CACNA1C: variants seen among roughly 807,000 people sequenced by gnomAD.
The protein encoded by CACNA1C is voltage-dependent L-type calcium channel subunit alpha-1C.
A neutral mutation model predicts 229.0 loss-of-function variants in CACNA1C; 30 were observed. The observed-to-expected ratio is 0.13, with a 90% CI of 0.10 to 0.18. The LOEUF (loss-of-function observed/expected upper bound fraction) is 0.18. Among genes scored for constraint, CACNA1C ranks in the 10% least tolerant of loss-of-function variants. The pLI, the probability that CACNA1C is intolerant of heterozygous loss-of-function variation, is 1.00. For synonymous variants in CACNA1C, 1,114 were observed against 1,132.5 expected, an observed-to-expected ratio of 0.98 and a Z score of 0.33; for missense variants, 1,658 against 2,845.0, an observed-to-expected ratio of 0.58 and a Z score of 9.49.
chr12:2,194,764 C>G (rs1024759735), intron 3 of CACNA1C, among the ~76,000 whole-genome samples: 1 of 152,148 alleles, frequency 6.6e-6, no homozygotes, highest in Non-Finnish European at 1.5e-5. Context: ...AAGTCCTGAC[C>G]CTGCCGTGGA....
chr12:2,610,849 G>C, intron 28 of CACNA1C, 150 bp downstream of exon 28: 2 of 790,702 alleles, frequency 2.5e-6, no homozygotes, highest in African/African-American at 3.4e-5. Flanking sequence ...CTCTGTCAAG[G>C]ATGTGCTCCT....
intron 3 of CACNA1C, among the ~76,000 whole-genome samples, chr12:2,221,182 A>G (rs1599597886): frequency 1.3e-5 from 2 of 152,202 alleles, no homozygotes; most frequent in South Asian, 2.1e-4. Context: ...CACACAGTGA[A>G]TGACCAGGCG....
chr12:2,269,271 A>G (rs1007161654), intron 3 of CACNA1C, among the ~76,000 whole-genome samples: 1 of 152,182 alleles, frequency 6.6e-6, no homozygotes, highest in African/African-American at 2.4e-5. Context: ...TGATTTATAG[A>G]CCGGCTGAAA....
At chr12:2,612,761 C>T (rs538712700) in intron 29 of CACNA1C, 1 of 152,408 alleles carries the variant, frequency 6.6e-6, no homozygotes, top group African/African-American at 2.4e-5. Flanking sequence ...GTATGAGCCA[C>T]ACCTTCCACC....
At chr12:2,059,254 C>A (rs2056498574) in intron 1 of CACNA1C, among the ~76,000 whole-genome samples, 1 of 151,844 alleles carries the variant, frequency 6.6e-6, no homozygotes, top group African/African-American at 2.4e-5. Context: ...GCCAGAGGAG[C>A]CCCAACTCCC....
Position 2,052,987 on chromosome 12 carries a change from G to A in CACNA1C, c.-576G>A. The A allele has an allele frequency of 5.1e-6, 5 of 983,270 alleles. No homozygotes were observed. Among genetic ancestry groups the A allele is most frequent in the Non-Finnish European group, 6.0e-6 (5 of 829,140 alleles). 60.9% of individuals were successfully genotyped at this position (983,270 alleles called of 1,614,324 possible). On this transcript the variant is annotated 5_prime_UTR_variant, in exon 1 of 47. Coordinates refer to ENST00000399655, the MANE Select transcript of CACNA1C (RefSeq NM_000719.7). ...AGCGCGGCGCTCTCGCGCGCCCGGT[G>A]TCTCCCTCTCGCTGCCTCTGCAGAA...
intron 9 of CACNA1C, among the ~76,000 whole-genome samples, chr12:2,534,537 C>T (rs1314062219): frequency 6.6e-6 from 1 of 152,192 alleles, no homozygotes; most frequent in Non-Finnish European, 1.5e-5. Flanking sequence ...TCTTGTAGAG[C>T]TTAATTTTTT....
intron 3 of CACNA1C, among the ~76,000 whole-genome samples, chr12:2,198,576 G>A (rs931353234): frequency 6.6e-6 from 1 of 152,178 alleles, no homozygotes; most frequent in African/African-American, 2.4e-5. Context: ...AACAGAAATT[G>A]AACCAGGCTT....
At position 2,688,701 on chromosome 12, in the gene CACNA1C, C is replaced by T. The variant is rs780157730; in HGVS notation, c.6039C>T (p.Pro2013=). The stretch of plus-strand genomic sequence containing the variant: ...GCAGCGCCGCCCGGAGAGTCCGGCC[C>T]GTCTCCCTCATGGTGCCCAGCCAGG... The part of the protein sequence containing the change: ...GGSSAARRVR[P]VSLMVPSQAG... Residue 2013 remains proline (P), a synonymous_variant, in exon 46 of 47, where the codon CCC becomes CCT. Transcript: ENST00000399655. The T allele has an allele frequency of 1.5e-5, 24 of 1,611,228 alleles. No individual in the cohort carries two copies. In the East Asian group the frequency reaches 1.6e-4, roughly 10 times the overall value.
At position 2,067,355 on chromosome 12, in the gene CACNA1C, T is replaced by A. The variant is rs1450518434; in HGVS notation, c.49+13744T>A. Among the ~76,000 whole-genome samples, 2 of 151,804 alleles carry A rather than the reference T, an allele frequency of 1.3e-5. No homozygotes were observed. The highest frequency in any genetic ancestry group is 2.9e-5 in the Non-Finnish European group (2 of 67,974). ...CACAAAGGGCCAGGTGGACTTTCTT[T>A]GGGGAGCATAACAGGAAGAAGATGA... On this transcript the variant is annotated intron_variant, in intron 1 of 46. Coordinates refer to ENST00000399655, the MANE Select transcript of CACNA1C (RefSeq NM_000719.7). The surrounding 1 kb of genome is among the most constrained non-coding windows in gnomAD (Gnocchi z 5.3).
chr12:2,671,960 C>A (rs2096589116), intron 38 of CACNA1C, among the ~76,000 whole-genome samples: 1 of 152,088 alleles, frequency 6.6e-6, no homozygotes, highest in Non-Finnish European at 1.5e-5. Context: ...CAGACACGGG[C>A]CCTCCACAAA....
intron 1 of CACNA1C, among the ~76,000 whole-genome samples, chr12:2,088,312 G>A (rs58244996): frequency 0.023 from 3,554 of 152,236 alleles, 144 homozygotes; most frequent in African/African-American, 0.081. Context: ...CCTCTGCTGG[G>A]TTGGAGGCTG....
At chr12:2,032,326 C>T (rs1364085334) in intron 1 of CACNA1C, among the ~76,000 whole-genome samples, 1 of 152,104 alleles carries the variant, frequency 6.6e-6, no homozygotes, top group Non-Finnish European at 1.5e-5. Context: ...TCTCTGTCAC[C>T]TGCCGTATTT....
chr12:2,582,141 TAAA>T (rs71441686), intron 14 of CACNA1C, among the ~76,000 whole-genome samples: 14 of 134,336 alleles, frequency 1.0e-4, no homozygotes, highest in Non-Finnish European at 2.0e-4. Context: ...CCGTCTCAAA[TAAA>T]AAAAAAAAAA....
chr12:2,464,356 G>A lies in CACNA1C; in HGVS notation c.757+6650G>A, dbSNP rs527264380. ...TGTCCAGTTTTCATAAGGACCATCCGGTTTTAGATCTGGACCTCCCAGTCC... is the reference window on the plus strand; with the variant it reads ...TGTCCAGTTTTCATAAGGACCATCCAGTTTTAGATCTGGACCTCCCAGTCC... On this transcript the variant is annotated intron_variant, in intron 5 of 46. Transcript: ENST00000399655. 8.5e-5 allele frequency among the ~76,000 whole-genome samples: 13 copies of A among 152,264 alleles called. No homozygotes were observed. In the East Asian group the frequency reaches 1.5e-3, roughly 18 times the overall value.
chr12:2,337,769 C>T (rs1381648774), intron 3 of CACNA1C, among the ~76,000 whole-genome samples: 4 of 152,334 alleles, frequency 2.6e-5, no homozygotes, highest in African/African-American at 7.2e-5. Flanking sequence ...CCCAGAGGAA[C>T]TGAGTAACAC....
At chr12:2,604,575 A>C (rs1276060333) in intron 22 of CACNA1C, among the ~76,000 whole-genome samples, 1 of 152,224 alleles carries the variant, frequency 6.6e-6, no homozygotes, top group Non-Finnish European at 1.5e-5. Flanking sequence ...GGTACCATTC[A>C]GGCAGTTTCT....
At chr12:2,458,981 C>CTTTTTTTT (rs71057826) in intron 5 of CACNA1C, among the ~76,000 whole-genome samples, 2 of 105,598 alleles carry the variant, frequency 1.9e-5, no homozygotes, top group African/African-American at 7.1e-5. Flanking sequence ...CTTTTTCTTT[C>CTTTTTTTT]TTTTTTTTTT....
chr12:2,539,158 G>C (rs190406275), intron 9 of CACNA1C, among the ~76,000 whole-genome samples: 1 of 151,968 alleles, frequency 6.6e-6, no homozygotes, highest in Non-Finnish European at 1.5e-5. Flanking sequence ...GGGGTATGTC[G>C]GTCAGTGTCC....
Sources: allele counts gnomAD v4.1 joint callset (sites outside exome capture counted in the v4.1 genomes callset), GRCh38; gene constraint gnomAD v4.1.1; non-coding constraint Gnocchi (gnomAD v3.1); transcripts MANE v1.5; gene names NCBI Gene and HGNC (gene_info 2026-07-23, HGNC 2026-07-21).